MYO10: variants seen among roughly 807,000 people sequenced by gnomAD.
MYO10 encodes unconventional myosin-X.
Under a neutral mutation model 257.3 loss-of-function variants are expected in MYO10, and 133 were observed. The observed-to-expected ratio is 0.52, with a 90% CI of 0.45 to 0.60. The LOEUF is 0.60. Among genes scored for constraint, MYO10 ranks in the 20% least tolerant of loss-of-function variants. MYO10 has a pLI of 0.00. For synonymous variants in MYO10, 1,104 were observed against 1,028.6 expected (o/e 1.07, Z -1.40); for missense variants, 2,399 against 2,635.7 (o/e 0.91, Z 1.97).
chr5:16,756,045 T>C (rs1579954113), intron 18 of MYO10, among the ~76,000 whole-genome samples: 1 of 152,310 alleles, frequency 6.6e-6, no homozygotes. Flanking sequence ...CTCAACTGCT[T>C]CAAATTTTAT....
chr5:16,788,671 A>T (rs1182803968), intron 4 of MYO10, among the ~76,000 whole-genome samples: 1 of 152,020 alleles, frequency 6.6e-6, no homozygotes, highest in Non-Finnish European at 1.5e-5. Flanking sequence ...AGTCCTGCAG[A>T]CTCAGAGAAG....
intron 1 of MYO10, among the ~76,000 whole-genome samples, chr5:16,922,708 G>A (rs1746023129): frequency 6.6e-6 from 1 of 152,180 alleles, no homozygotes; most frequent in Admixed American, 6.5e-5. Context: ...AGAATGGTTA[G>A]CTCAGCCATC....
At chr5:16,840,709 G>C (rs1242860701) in intron 2 of MYO10, among the ~76,000 whole-genome samples, 1 of 151,562 alleles carries the variant, frequency 6.6e-6, no homozygotes, top group Non-Finnish European at 1.5e-5. Context: ...ATGCATTTTT[G>C]TTGTGCAATA....
In MYO10 at chr5:16,815,417, T is replaced by C. The variant is rs189754869; in HGVS notation, c.279+2592A>G. ...GCAAAATGTCTTGGATTTTGAAGCA[T>C]TGTGGATTTGGAGTTTTTGGATTAG... On this transcript the variant is annotated intron_variant, in intron 3 of 40. Transcript: ENST00000513610. 98 of 700,494 alleles carry C rather than the reference T, an allele frequency of 1.4e-4. No homozygotes were observed. The Admixed American group carries it at 1.8e-3, about 13-fold the overall frequency. The allele number at this position is 700,494 out of a possible 1,614,324, so 43.4% of individuals were successfully genotyped here.
chr5:16,767,167 CTTTT>C (rs35242676), intron 10 of MYO10, among the ~76,000 whole-genome samples: 4 of 105,308 alleles, frequency 3.8e-5, no homozygotes, highest in African/African-American at 1.1e-4. Flanking sequence ...ACCCAACTGT[CTTTT>C]TTTTTTTTTT....
chr5:16,701,614 G>A lies in MYO10; in HGVS notation c.2781C>T (p.Leu927=), dbSNP rs768765530. 4.3e-6 allele frequency: 7 copies of A among 1,612,506 alleles called. No homozygotes were observed. The highest frequency in any genetic ancestry group is 1.7e-4 in the Middle Eastern group (1 of 6,058). ...TGCACGCTTCCTCCTCCAGCCTGCG[G>A]AGCTCCTGGTCCCGCCGCTCCTGCA... The part of the protein sequence containing the change: ...QKLQERRDQE[L]RRLEEEACRA... The change falls in exon 25 of 41, where the codon CTC becomes CTT. Residue 927 remains leucine (L), a synonymous_variant. Transcript: ENST00000513610. This position sits in a 1 kb window ranked among gnomAD's most constrained non-coding sequence, Gnocchi z 8.1.
intron 1 of MYO10, among the ~76,000 whole-genome samples, chr5:16,891,771 T>C (rs953052746): frequency 1.3e-5 from 2 of 152,168 alleles, no homozygotes; most frequent in Non-Finnish European, 2.9e-5. Flanking sequence ...TTATTACATA[T>C]GCAAGAAGGT....
At chr5:16,680,963 G>A (rs575682880) in intron 32 of MYO10, among the ~76,000 whole-genome samples, 50 of 152,218 alleles carry the variant, frequency 3.3e-4, no homozygotes, top group African/African-American at 1.2e-3. Flanking sequence ...ATTGCACTCC[G>A]GCCTGGGCAA....
chr5:16,829,636 G>T (rs558621260), intron 2 of MYO10, among the ~76,000 whole-genome samples: 1 of 152,280 alleles, frequency 6.6e-6, no homozygotes, highest in African/African-American at 2.4e-5. Flanking sequence ...TGACAGCGCC[G>T]CAGGGCTGCA....
chr5:16,683,787 C>T (rs1158416650), intron 30 of MYO10, 93 bp downstream of exon 30: 2 of 1,257,660 alleles, frequency 1.6e-6, no homozygotes, highest in African/African-American at 1.5e-5. Context: ...GATTTCACAG[C>T]CCTGTGAAGA....
At chr5:16,794,930 C>A in intron 3 of MYO10, 97 bp from the exon 4 acceptor site, 1 of 961,500 alleles carries the variant, frequency 1.0e-6, no homozygotes, top group Non-Finnish European at 1.4e-6. Context: ...GGGGGAAAGA[C>A]GTCTTCTGTC....
chr5:16,663,323 TA>T lies in MYO10; in HGVS notation c.*3368del, dbSNP rs1736039605. ...CTGGAAAAAAGTAACATTTTACTTCTAGTTGTTTTTTTTTTTTTTTTTTTTT... is the reference window on the plus strand; with the variant it reads ...CTGGAAAAAAGTAACATTTTACTTCTGTTGTTTTTTTTTTTTTTTTTTTTT... On this transcript the variant is annotated 3_prime_UTR_variant, in exon 41 of 41. Coordinates refer to ENST00000513610, the MANE Select transcript of MYO10 (RefSeq NM_012334.3). The T allele has an allele frequency of 1.6e-5, 2 of 128,298 alleles. No homozygotes were observed. The highest frequency in any genetic ancestry group is 3.3e-5 in the Non-Finnish European group (2 of 61,248). 7.9% of individuals were successfully genotyped at this position (128,298 alleles called of 1,614,324 possible). A position where few individuals can be genotyped will look rare whatever the true frequency, so the allele number is the denominator to read the frequency against.
intron 2 of MYO10, among the ~76,000 whole-genome samples, chr5:16,828,695 A>C (rs1743073116): frequency 2.0e-5 from 3 of 151,422 alleles, no homozygotes; most frequent in Non-Finnish European, 4.4e-5. Context: ...GAGGAAGGAC[A>C]AGCTGATTTT....
chr5:16,860,916 C>G (rs62370985), intron 2 of MYO10, among the ~76,000 whole-genome samples: 23,529 of 152,142 alleles, frequency 0.15, 2,026 homozygotes, highest in East Asian at 0.26. Context: ...CTAAGCCCAG[C>G]TTGCAAAAGT....
rs1396221296 is a variant in MYO10 at position 16,935,890 on chromosome 5, C to G, written c.-82G>C. On this transcript the variant is annotated 5_prime_UTR_variant, in exon 1 of 41. Transcript: ENST00000513610. ...CCGCCGCGGGTCCGGGGAAACCATGCGTGTCACGGCGCCACTCCCGAGGAC... is the reference window on the plus strand; with the variant it reads ...CCGCCGCGGGTCCGGGGAAACCATGGGTGTCACGGCGCCACTCCCGAGGAC... 1 of 1,548,872 alleles carries G rather than the reference C, an allele frequency of 6.5e-7. No individual in the cohort carries two copies.
At chr5:16,735,184 A>G (rs1739740503) in intron 19 of MYO10, among the ~76,000 whole-genome samples, 1 of 152,194 alleles carries the variant, frequency 6.6e-6, no homozygotes, top group Non-Finnish European at 1.5e-5. Flanking sequence ...TAAATTGTCT[A>G]AAGGAGAGGT....
At chr5:16,690,769 C>T (rs1209296438) in intron 27 of MYO10, among the ~76,000 whole-genome samples, 1 of 151,832 alleles carries the variant, frequency 6.6e-6, no homozygotes, top group Non-Finnish European at 1.5e-5. Flanking sequence ...GGGAGTGAGG[C>T]GCAGGATTTG....
At chr5:16,834,259 C>T (rs889327383) in intron 2 of MYO10, among the ~76,000 whole-genome samples, 1 of 152,118 alleles carries the variant, frequency 6.6e-6, no homozygotes, top group Non-Finnish European at 1.5e-5. Flanking sequence ...ATTGTAACCT[C>T]GGTTTTCTTA....
rs752133282 is a variant in MYO10 at position 16,676,124 on chromosome 5, G to T, written c.4573C>A (p.Gln1525Lys). The T allele has an allele frequency of 1.9e-6, 3 of 1,613,090 alleles. No homozygotes were observed. The highest frequency in any genetic ancestry group is 1.3e-5 in the African/African-American group (1 of 74,842). ...ENCLNSDVVE[Q>K]IYKRNPILRY... ...AGGATCGGGTTCCGCTTGTAAATCT[G>T]TTCCACCACATCCGAGTTCAGGCAG... The change falls in exon 34 of 41, where the codon CAG becomes AAG. Residue 1525 changes from glutamine to lysine, a missense_variant. This residue lies in a region of MYO10 where 1,820 missense variants were observed against 1,939.4 expected (regional missense o/e 0.94). Transcript: ENST00000513610.
Sources: gnomAD v4.1 joint callset for allele counts (sites outside exome capture counted in the v4.1 genomes callset) on GRCh38, gnomAD v4.1.1 for gene constraint, gnomAD v4.1.1 regional missense constraint, Gnocchi (gnomAD v3.1) non-coding constraint, MANE v1.5 for transcripts, NCBI Gene and HGNC (gene_info 2026-07-23, HGNC 2026-07-21) for gene names.